Variants in PMFBP1 observed in about 807,000 individuals in gnomAD.
The protein encoded by PMFBP1 is polyamine modulated factor 1 binding protein 1.
A neutral mutation model predicts 137.8 loss-of-function variants in PMFBP1; 131 were observed. The observed-to-expected ratio is 0.95, with a 90% CI of 0.82 to 1.10. The LOEUF (loss-of-function observed/expected upper bound fraction) is 1.10. Among genes scored for constraint, PMFBP1 ranks in the 50% least tolerant of loss-of-function variants. The pLI, the probability that PMFBP1 is intolerant of heterozygous loss-of-function variation, is 0.00. For missense variants in PMFBP1, 1,199 were observed against 1,175.4 expected, an observed-to-expected ratio of 1.02 and a Z score of -0.29; for synonymous variants, 490 against 450.4, an observed-to-expected ratio of 1.09 and a Z score of -1.11.
chr16:72,182,839 C>T, the PMFBP1 span, among the ~76,000 whole-genome samples: 10 of 152,134 alleles, frequency 6.6e-5, no homozygotes, highest in Non-Finnish European at 1.0e-4. Flanking sequence ...TTTCCTTTGC[C>T]CCTCACATAC....
intron 9 of PMFBP1, among the ~76,000 whole-genome samples, chr16:72,135,370 T>TG (rs1567626207): frequency 2.1e-4 from 31 of 151,026 alleles, no homozygotes; most frequent in Non-Finnish European, 3.1e-4. Context: ...TTTTTTTTTT[T>TG]TTTTTTTTGT....
chr16:72,190,721 C>T, the PMFBP1 span, among the ~76,000 whole-genome samples: 4 of 152,012 alleles, frequency 2.6e-5, no homozygotes, highest in South Asian at 8.3e-4. Context: ...AAGACTGAGC[C>T]TCAGAACTTC....
At chr16:72,221,747 C>T in the PMFBP1 span, among the ~76,000 whole-genome samples, 68 of 152,306 alleles carry the variant, frequency 4.5e-4, no homozygotes, top group Middle Eastern at 6.8e-3. Flanking sequence ...CTTAGTAAAG[C>T]TGGCATTGAG....
At chr16:72,145,509 A>G (rs761775152) in intron 5 of PMFBP1, among the ~76,000 whole-genome samples, 3 of 152,216 alleles carry the variant, frequency 2.0e-5, no homozygotes, top group Non-Finnish European at 4.4e-5. Flanking sequence ...AAGCTAGCAG[A>G]AGACAAGAAA....
intron 5 of PMFBP1, among the ~76,000 whole-genome samples, chr16:72,148,986 T>C (rs1318327867): frequency 6.6e-6 from 1 of 152,232 alleles, no homozygotes; most frequent in Non-Finnish European, 1.5e-5. Context: ...TGAAGGTTCA[T>C]CCAGCTCTGT....
Position 72,140,525 on chromosome 16 carries a change from T to A in PMFBP1, c.694A>T (p.Ile232Phe). Residue 232 changes from isoleucine to phenylalanine, a missense_variant, in exon 6 of 21, where the codon ATT (isoleucine) becomes TTT (phenylalanine). By Grantham distance (21) the Ile-to-Phe change is conservative (BLOSUM62 0). Coordinates refer to ENST00000237353, the MANE Select transcript of PMFBP1 (RefSeq NM_031293.3). ...TTCTGAGTCTCCTGATGCTCTTGAA[T>A]CATGCAAGGAGAAGTGTATATCCGT... Reference protein sequence around the residue: ...KVRIYTSPCMIQEHQETQKRL... With the variant: ...KVRIYTSPCMFQEHQETQKRL... The A allele has an allele frequency of 1.2e-6, 2 of 1,613,396 alleles. No individual in the cohort carries two copies. Among genetic ancestry groups the A allele is most frequent in the Non-Finnish European group, 1.7e-6 (2 of 1,179,328 alleles).
the PMFBP1 span, among the ~76,000 whole-genome samples, chr16:72,204,868 A>T: frequency 6.6e-6 from 1 of 152,212 alleles, no homozygotes; most frequent in African/African-American, 2.4e-5. Flanking sequence ...ACTATTGAGC[A>T]TTTGAAATGT....
At chr16:72,126,542 G>A (rs185179650) in intron 14 of PMFBP1, among the ~76,000 whole-genome samples, 18 of 152,342 alleles carry the variant, frequency 1.2e-4, no homozygotes, top group Admixed American at 1.0e-3. Flanking sequence ...CACTAGACTT[G>A]ATGTGCCAGA....
upstream of PMFBP1, among the ~76,000 whole-genome samples, chr16:72,177,394 A>G (rs561965442): frequency 6.6e-6 from 1 of 152,122 alleles, no homozygotes; most frequent in Non-Finnish European, 1.5e-5. Flanking sequence ...TCCCCCTTAC[A>G]GCCCTTTTCC....
At chr16:72,170,054 AT>A (rs1433451571) in intron 2 of PMFBP1, among the ~76,000 whole-genome samples, 2 of 151,954 alleles carry the variant, frequency 1.3e-5, no homozygotes, top group Non-Finnish European at 2.9e-5. Context: ...CTATCATATC[AT>A]TTGAGAAATT....
At chr16:72,200,574 G>A in the PMFBP1 span, among the ~76,000 whole-genome samples, 5 of 152,198 alleles carry the variant, frequency 3.3e-5, no homozygotes, top group East Asian at 9.6e-4. Context: ...GTGAGAGAAC[G>A]TCAGGAAAAA....
At chr16:72,142,103 T>C (rs1269475148) in intron 5 of PMFBP1, among the ~76,000 whole-genome samples, 1 of 152,004 alleles carries the variant, frequency 6.6e-6, no homozygotes, top group African/African-American at 2.4e-5. Flanking sequence ...CAGGCAAAGT[T>C]AGGAATACTT....
the PMFBP1 span, among the ~76,000 whole-genome samples, chr16:72,206,071 G>C: frequency 6.6e-6 from 1 of 152,136 alleles, no homozygotes; most frequent in South Asian, 2.1e-4. Flanking sequence ...TTGGGAAATG[G>C]GCCAGGGGTC....
intron 3 of PMFBP1, among the ~76,000 whole-genome samples, chr16:72,161,441 A>G (rs1000613581): frequency 2.6e-5 from 4 of 152,064 alleles, no homozygotes; most frequent in African/African-American, 9.7e-5. Flanking sequence ...CATGTCTTGT[A>G]CTTCCTTGTA....
At chr16:72,231,898 T>C in the PMFBP1 span, among the ~76,000 whole-genome samples, 1 of 98,124 alleles carries the variant, frequency 1.0e-5, no homozygotes, top group South Asian at 3.6e-4. Flanking sequence ...CACAAAGATA[T>C]ACTTTTGGGA....
chr16:72,157,260 C>A (rs556986182), intron 3 of PMFBP1, among the ~76,000 whole-genome samples: 1 of 147,514 alleles, frequency 6.8e-6, no homozygotes, highest in Non-Finnish European at 1.5e-5. Flanking sequence ...ATGGGGAGAG[C>A]GAAAACTAAG....
chr16:72,140,110 T>C (rs1235287843), intron 6 of PMFBP1, among the ~76,000 whole-genome samples: 1 of 152,234 alleles, frequency 6.6e-6, no homozygotes, highest in African/African-American at 2.4e-5. Flanking sequence ...ACTGGCTGCA[T>C]ATTATTCCAC....
the PMFBP1 span, among the ~76,000 whole-genome samples, chr16:72,195,981 ATGTGTGTGTGTG>A: frequency 0.043 from 6,154 of 144,762 alleles, 154 homozygotes; most frequent in African/African-American, 0.07. Context: ...AGCTTACAGA[ATGTGTGTGTGTG>A]TGTGTGTGTG....
chr16:72,215,761 A>G, the PMFBP1 span, among the ~76,000 whole-genome samples: 1 of 152,200 alleles, frequency 6.6e-6, no homozygotes, highest in Non-Finnish European at 1.5e-5. Flanking sequence ...ACCCAACAAC[A>G]ACAAAAAACT....
Sources: allele counts gnomAD v4.1 joint callset (sites outside exome capture counted in the v4.1 genomes callset), GRCh38; gene constraint gnomAD v4.1.1; transcripts MANE v1.5; gene names NCBI Gene and HGNC (gene_info 2026-07-23, HGNC 2026-07-21).